Variants in NRG3 observed in about 807,000 individuals in gnomAD.
NRG3 encodes the protein neuregulin 3.
A neutral mutation model predicts 66.9 loss-of-function variants in NRG3; 31 were observed. The observed-to-expected ratio is 0.46, with a 90% CI of 0.35 to 0.63. The LOEUF is 0.63. NRG3 is among the 20% of genes least tolerant of loss of function. NRG3 has a pLI of 0.00. For synonymous variants in NRG3, 393 were observed against 359.4 expected, an observed-to-expected ratio of 1.09 and a Z score of -1.06; for missense variants, 910 against 878.9, an observed-to-expected ratio of 1.04 and a Z score of -0.45.
Position 82,761,916 on chromosome 10 carries a change from T to TTC in NRG3, c.1027+23268_1027+23269dup, listed in dbSNP as rs1555028656. On this transcript the variant is annotated intron_variant, in intron 3 of 8. Coordinates refer to ENST00000372141, the MANE Select transcript of NRG3 (RefSeq NM_001010848.4). ...CTTCCTTCCGTTCTTTCTTCTTTCT[T>TTC]TCTTTCTCTTTCTTTCTTTCTTTCT... Among the ~76,000 whole-genome samples the TTC allele has an allele frequency of 2.6e-3, 342 of 132,830 alleles. 3 individuals are homozygous for TTC. Among genetic ancestry groups the TTC allele is most frequent in the Admixed American group, 4.4e-3 (60 of 13,490 alleles). The allele number at this position is 132,830 out of a possible 152,430, so 87.1% of individuals were successfully genotyped here.
intron 2 of NRG3, among the ~76,000 whole-genome samples, chr10:82,694,786 T>C (rs1406918228): frequency 6.6e-6 from 1 of 152,162 alleles, no homozygotes; most frequent in Non-Finnish European, 1.5e-5. Flanking sequence ...GCTCATGTTC[T>C]TGGAATAAAT....
At chr10:82,188,516 C>G (rs2073942907) in intron 1 of NRG3, among the ~76,000 whole-genome samples, 1 of 151,920 alleles carries the variant, frequency 6.6e-6, no homozygotes, top group Admixed American at 6.6e-5. Context: ...GAGAGATAAC[C>G]CACAGAACGG....
At chr10:82,983,844 C>G (rs2132693360) in intron 8 of NRG3, among the ~76,000 whole-genome samples, 1 of 152,276 alleles carries the variant, frequency 6.6e-6, no homozygotes, top group South Asian at 2.1e-4. Context: ...TGATTACAAA[C>G]TCTGTATTAG....
intron 2 of NRG3, among the ~76,000 whole-genome samples, chr10:82,579,235 A>AT (rs888631176): frequency 8.6e-5 from 13 of 150,704 alleles, no homozygotes; most frequent in South Asian, 6.3e-4. Flanking sequence ...ATACTGCAAG[A>AT]TTTTTTTTTT....
chr10:82,306,927 A>T (rs1023180945), intron 1 of NRG3, among the ~76,000 whole-genome samples: 2 of 152,068 alleles, frequency 1.3e-5, no homozygotes, highest in Non-Finnish European at 2.9e-5. Flanking sequence ...AAGTTTTGAT[A>T]TCCAGTACCA....
At chr10:82,283,185 T>C (rs541439631) in intron 1 of NRG3, among the ~76,000 whole-genome samples, 100 of 152,046 alleles carry the variant, frequency 6.6e-4, no homozygotes, top group African/African-American at 2.1e-3. Flanking sequence ...GGGGTGAAGA[T>C]TGGATCCTTT....
At chr10:82,280,014 A>C (rs1423840790) in intron 1 of NRG3, among the ~76,000 whole-genome samples, 1 of 152,274 alleles carries the variant, frequency 6.6e-6, no homozygotes, top group African/African-American at 2.4e-5. Flanking sequence ...AGGCTGATTT[A>C]GTGGCTGTTC....
chr10:82,318,234 G>A (rs2081391714), intron 1 of NRG3, among the ~76,000 whole-genome samples: 1 of 152,134 alleles, frequency 6.6e-6, no homozygotes, highest in South Asian at 2.1e-4. Flanking sequence ...CTTTCATCTT[G>A]TAGCCATCTT....
intron 3 of NRG3, among the ~76,000 whole-genome samples, chr10:82,792,643 T>A (rs916391128): frequency 6.6e-6 from 1 of 152,096 alleles, no homozygotes; most frequent in Non-Finnish European, 1.5e-5. Context: ...ATTTTTAGGA[T>A]GATTTAATTA....
intron 2 of NRG3, among the ~76,000 whole-genome samples, chr10:82,655,937 T>A (rs1024824730): frequency 2.0e-5 from 3 of 152,174 alleles, no homozygotes; most frequent in Non-Finnish European, 1.5e-5. Flanking sequence ...ACATATGACC[T>A]TGTATTAGTT....
intron 1 of NRG3, among the ~76,000 whole-genome samples, chr10:82,087,069 A>G (rs2065769200): frequency 6.6e-6 from 1 of 152,132 alleles, no homozygotes; most frequent in Non-Finnish European, 1.5e-5. Context: ...TGAGCACAGA[A>G]GACCCATTAA....
intron 6 of NRG3, among the ~76,000 whole-genome samples, chr10:82,965,041 G>A (rs1851074185): frequency 6.6e-6 from 1 of 152,176 alleles, no homozygotes; most frequent in Non-Finnish European, 1.5e-5. Flanking sequence ...GGCACTTTCA[G>A]GGGGGCCAGT....
At chr10:82,850,398 C>T (rs1357713312) in intron 3 of NRG3, among the ~76,000 whole-genome samples, 4 of 152,152 alleles carry the variant, frequency 2.6e-5, no homozygotes, top group Admixed American at 6.5e-5. Context: ...AAATGAATTT[C>T]GTTTCCTCTA....
chr10:82,611,576 T>C (rs1329580726), intron 2 of NRG3, among the ~76,000 whole-genome samples: 1 of 152,198 alleles, frequency 6.6e-6, no homozygotes, highest in Non-Finnish European at 1.5e-5. Flanking sequence ...GCTTCATCCA[T>C]GTCCCTGCAA....
chr10:82,315,659 C>A (rs576599356), intron 1 of NRG3, among the ~76,000 whole-genome samples: 1 of 147,970 alleles, frequency 6.8e-6, no homozygotes, highest in Non-Finnish European at 1.5e-5. Context: ...GAATCATATA[C>A]GTTTGTTGTT....
At chr10:82,575,125 CCA>C (rs1205677629) in intron 2 of NRG3, among the ~76,000 whole-genome samples, 1 of 151,614 alleles carries the variant, frequency 6.6e-6, no homozygotes, top group Non-Finnish European at 1.5e-5. Flanking sequence ...TTAATTAGCT[CCA>C]CTTAGCATTC....
chr10:82,305,587 TTTTTTTCTTA>T (rs1225323956), intron 1 of NRG3, among the ~76,000 whole-genome samples: 1 of 152,092 alleles, frequency 6.6e-6, no homozygotes, highest in African/African-American at 2.4e-5. Flanking sequence ...AGCTTTTTAA[TTTTTTTCTTA>T]TTATGGTTCT....
chr10:82,572,814 A>G (rs2045820048), intron 2 of NRG3, among the ~76,000 whole-genome samples: 1 of 151,786 alleles, frequency 6.6e-6, no homozygotes. Flanking sequence ...GTGAGGAGCT[A>G]TGAATAAAGA....
At chr10:82,952,166 G>A (rs1264982029) in intron 5 of NRG3, among the ~76,000 whole-genome samples, 2 of 152,208 alleles carry the variant, frequency 1.3e-5, no homozygotes, top group East Asian at 1.9e-4. Context: ...AGGTGCAGTG[G>A]CTCAGCCTGT....
Sources: gnomAD v4.1 joint callset for allele counts (sites outside exome capture counted in the v4.1 genomes callset) on GRCh38, gnomAD v4.1.1 for gene constraint, MANE v1.5 for transcripts, NCBI Gene and HGNC (gene_info 2026-07-23, HGNC 2026-07-21) for gene names.